The following PGM5 variants were observed in gnomAD, a reference collection of about 807,000 sequenced individuals.
The protein encoded by PGM5 is phosphoglucomutase 5, also known as phosphoglucomutase-like protein 5.
PGM5 carries 23 observed loss-of-function variants against 59.2 expected under a neutral mutation model. That is an observed-to-expected ratio of 0.39 (90% CI 0.28 to 0.55). The LOEUF (loss-of-function observed/expected upper bound fraction) is 0.55. PGM5 is among the 20% of genes least tolerant of loss of function. The pLI is 0.66. For synonymous variants in PGM5, 214 were observed against 286.0 expected (o/e 0.75, Z 2.54); for missense variants, 574 against 748.3 (o/e 0.77, Z 2.72).
chr9:68,379,521 A>C (rs1554678144), intron 2 of PGM5, among the ~76,000 whole-genome samples: 1 of 152,186 alleles, frequency 6.6e-6, no homozygotes, highest in African/African-American at 2.4e-5. Flanking sequence ...GGTAGACAAC[A>C]ATAGAGGAAG....
chr9:68,501,550 A>T (rs1194318128), intron 10 of PGM5, among the ~76,000 whole-genome samples: 2 of 152,216 alleles, frequency 1.3e-5, no homozygotes, highest in African/African-American at 4.8e-5. Flanking sequence ...AACAGAGATA[A>T]AAGTAAGATG....
At chr9:68,396,724 T>A (rs1164872455) in intron 6 of PGM5, 2 of 151,986 alleles carry the variant, frequency 1.3e-5, no homozygotes, top group African/African-American at 4.8e-5. Flanking sequence ...TGATGGACAC[T>A]TTATAAGCTT....
intron 2 of PGM5, 152 bp downstream of exon 2, chr9:68,378,513 A>G: frequency 5.0e-6 from 5 of 991,790 alleles, no homozygotes; most frequent in South Asian, 1.8e-5. Flanking sequence ...CCAACAAAGA[A>G]GTGGCATGAT....
At chr9:68,424,224 CT>C (rs1209620727) in intron 6 of PGM5, among the ~76,000 whole-genome samples, 3 of 152,182 alleles carry the variant, frequency 2.0e-5, no homozygotes, top group African/African-American at 7.2e-5. Context: ...ATGGAACACC[CT>C]TTGTCTTAGT....
chr9:68,458,760 G>A (rs1823816239), intron 6 of PGM5, among the ~76,000 whole-genome samples: 1 of 152,116 alleles, frequency 6.6e-6, no homozygotes, highest in Non-Finnish European at 1.5e-5. Context: ...TATTTTGATA[G>A]CCTCATGTTT....
At chr9:68,414,963 A>C (rs2132042046) in intron 6 of PGM5, among the ~76,000 whole-genome samples, 1 of 148,344 alleles carries the variant, frequency 6.7e-6, no homozygotes, top group Non-Finnish European at 1.5e-5. Flanking sequence ...ATGAAGCATT[A>C]GTTGAAGGGT....
intron 4 of PGM5, among the ~76,000 whole-genome samples, chr9:68,388,491 TC>T (rs1304699935): frequency 4.0e-5 from 6 of 151,700 alleles, no homozygotes; most frequent in African/African-American, 1.5e-4. Context: ...TGGTAGTAAT[TC>T]TTTTTACACA....
chr9:68,517,083 C>A (rs1587230434), intron 10 of PGM5, among the ~76,000 whole-genome samples: 1 of 150,962 alleles, frequency 6.6e-6, no homozygotes, highest in East Asian at 1.9e-4. Context: ...GGGGTTTCTC[C>A]ATATTGGTCA....
At chr9:68,376,659 G>A (rs184993532) in intron 1 of PGM5, among the ~76,000 whole-genome samples, 12 of 152,116 alleles carry the variant, frequency 7.9e-5, no homozygotes, top group African/African-American at 2.7e-4. Flanking sequence ...TTGGCTTGTC[G>A]GTTATATCAG....
chr9:68,479,501 G>C lies in PGM5; in HGVS notation c.1243G>C (p.Glu415Gln). 4.3e-6 allele frequency: 7 copies of C among 1,614,122 alleles called. No homozygotes were observed. The highest frequency in any genetic ancestry group is 5.1e-6 in the Non-Finnish European group (6 of 1,180,014). ...SIIAARKQSV[E>Q]EIVRDHWAKF... ...TATTGCTGCCCGGAAGCAGAGTGTGGAGGAAATTGTCCGAGATCACTGGGC... is the reference window on the plus strand; with the variant it reads ...TATTGCTGCCCGGAAGCAGAGTGTGCAGGAAATTGTCCGAGATCACTGGGC... Residue 415 changes from glutamate (E) to glutamine (Q), a missense_variant, in exon 8 of 11, where the codon GAG (glutamate) becomes CAG (glutamine). Physicochemically the swap from Glu to Gln is conservative, Grantham distance 29. Transcript: ENST00000396396.
chr9:68,491,074 A>G lies in PGM5; in HGVS notation c.1479+7026A>G, dbSNP rs532758350. On this transcript the variant is annotated intron_variant, in intron 9 of 10. Transcript: ENST00000396396. ...GATTCATTTACAACTTCATCTATTC[A>G]GTGAGTATTTACCAAACACCTACTA... is the stretch of plus-strand genomic sequence containing the variant. Among the ~76,000 whole-genome samples, 241 of 152,344 alleles carry G rather than the reference A, an allele frequency of 1.6e-3. No homozygotes were observed. The Middle Eastern group carries it at 0.017, about 11-fold the overall frequency.
At chr9:68,486,761 A>C (rs1554687562) in intron 9 of PGM5, among the ~76,000 whole-genome samples, 1 of 152,162 alleles carries the variant, frequency 6.6e-6, no homozygotes, top group Admixed American at 6.5e-5. Flanking sequence ...GTGCAGAGAT[A>C]GGTTTTCAAT....
At chr9:68,458,504 C>T (rs1823812260) in intron 6 of PGM5, among the ~76,000 whole-genome samples, 1 of 152,048 alleles carries the variant, frequency 6.6e-6, no homozygotes. Flanking sequence ...TATTTAGTTC[C>T]CTTTGGTTTA....
chr9:68,423,322 C>T (rs1254936212), intron 6 of PGM5, among the ~76,000 whole-genome samples: 1 of 152,234 alleles, frequency 6.6e-6, no homozygotes, highest in Non-Finnish European at 1.5e-5. Flanking sequence ...AGTGGTTGTA[C>T]TAGTTTACAT....
chr9:68,458,863 G>T lies in PGM5; in HGVS notation c.1044-6230G>T, dbSNP rs1462659064. On this transcript the variant is annotated intron_variant, in intron 6 of 10. Transcript: ENST00000396396. The stretch of plus-strand genomic sequence containing the variant: ...TTTAAGATTGCTATTAGAAAACCAG[G>T]TTTAGCTGAACTCTGCCTCATTCAT... Among the ~76,000 whole-genome samples the T allele has an allele frequency of 4.6e-5, 7 of 152,260 alleles. No homozygotes were observed. The South Asian group carries it at 1.2e-3, about 27-fold the overall frequency.
chr9:68,383,968 T>A (rs1242609960), intron 2 of PGM5, among the ~76,000 whole-genome samples: 1 of 151,928 alleles, frequency 6.6e-6, no homozygotes, highest in Non-Finnish European at 1.5e-5. Flanking sequence ...GAGCTGGGAA[T>A]AGAAAGCATA....
intron 9 of PGM5, among the ~76,000 whole-genome samples, chr9:68,493,591 T>G (rs542494491): frequency 6.6e-6 from 1 of 152,338 alleles, no homozygotes; most frequent in Admixed American, 6.5e-5. Flanking sequence ...CTAAGATCCT[T>G]CTTTCAGGAT....
intron 6 of PGM5, among the ~76,000 whole-genome samples, chr9:68,435,303 A>G (rs7860270): frequency 0.17 from 26,330 of 152,198 alleles, 3,709 homozygotes; most frequent in East Asian, 0.39. Context: ...CACATTTAAA[A>G]TATACAATTT....
intron 8 of PGM5, 42 bp from the exon 9 acceptor site, chr9:68,483,823 G>C (rs782414200): frequency 6.3e-7 from 1 of 1,589,766 alleles, no homozygotes; most frequent in Admixed American, 1.7e-5. Flanking sequence ...CCCAGTTGCT[G>C]GTTCTCTGAT....
Sources: allele counts gnomAD v4.1 joint callset (sites outside exome capture counted in the v4.1 genomes callset), GRCh38; gene constraint gnomAD v4.1.1; transcripts MANE v1.5; gene names NCBI Gene and HGNC (gene_info 2026-07-23, HGNC 2026-07-21).